UNC13C: variants seen among roughly 807,000 people sequenced by gnomAD.
The protein encoded by UNC13C is unc-13 homolog C, also known as protein unc-13 homolog C.
Under a neutral mutation model 245.4 loss-of-function variants are expected in UNC13C, and 174 were observed. That is an observed-to-expected ratio of 0.71 (90% CI 0.63 to 0.80). The LOEUF is 0.80. Ranked by LOEUF, UNC13C falls within the 30% of genes least tolerant of loss-of-function variation. The probability of loss-of-function intolerance (pLI) is 0.00; values close to 1 mark genes in which losing one functional copy is unlikely to be tolerated. For missense variants in UNC13C, 2,829 were observed against 2,602.9 expected (o/e 1.09, Z -1.89); for synonymous variants, 992 against 895.1 (o/e 1.11, Z -1.93).
At chr15:54,080,646 T>C (rs988257409) in intron 2 of UNC13C, among the ~76,000 whole-genome samples, 5 of 152,074 alleles carry the variant, frequency 3.3e-5, no homozygotes, top group African/African-American at 1.2e-4. Context: ...TTTTGTATTT[T>C]TGTGGTGTCG....
chr15:54,130,227 T>A (rs1311955637), intron 2 of UNC13C, among the ~76,000 whole-genome samples: 1 of 151,832 alleles, frequency 6.6e-6, no homozygotes, highest in Non-Finnish European at 1.5e-5. Context: ...CTTATTTGAT[T>A]GGTCTTTTTG....
At chr15:54,110,768 G>T (rs544258227) in intron 2 of UNC13C, among the ~76,000 whole-genome samples, 110 of 152,144 alleles carry the variant, frequency 7.2e-4, no homozygotes, top group African/African-American at 2.5e-3. Flanking sequence ...CCTTTCTAGT[G>T]ACTTCCTTGA....
At chr15:54,441,927 T>A (rs1188897445) in intron 19 of UNC13C, among the ~76,000 whole-genome samples, 1 of 151,780 alleles carries the variant, frequency 6.6e-6, no homozygotes, top group African/African-American at 2.4e-5. Flanking sequence ...TTCTTAGGTA[T>A]TTTTTTGTAG....
rs547092787 is a variant in UNC13C at position 54,247,862 on chromosome 15, T to A, written c.3229-2363T>A. On this transcript the variant is annotated intron_variant, in intron 7 of 32. Coordinates refer to ENST00000260323, the MANE Select transcript of UNC13C (RefSeq NM_001080534.3). ...AACCAAACAAAACATTTTAATGAAATCTGCTCAGCTGTTTATTCAGAGCTT... is the reference window on the plus strand; with the variant it reads ...AACCAAACAAAACATTTTAATGAAAACTGCTCAGCTGTTTATTCAGAGCTT... 4.8e-4 allele frequency among the ~76,000 whole-genome samples: 73 copies of A among 152,256 alleles called. 1 individual carries two copies. Among genetic ancestry groups the A allele is most frequent in the Admixed American group, 3.7e-3 (57 of 15,286 alleles).
chr15:54,022,338 G>T (rs574838054), intron 2 of UNC13C, among the ~76,000 whole-genome samples: 4 of 151,930 alleles, frequency 2.6e-5, no homozygotes, highest in South Asian at 2.1e-4. Flanking sequence ...TTAAGCAACA[G>T]GTTCTCTGTC....
At chr15:54,105,504 T>A (rs1009668805) in intron 2 of UNC13C, among the ~76,000 whole-genome samples, 4 of 152,202 alleles carry the variant, frequency 2.6e-5, no homozygotes, top group African/African-American at 9.7e-5. Flanking sequence ...ATCCTTTGTG[T>A]AAAGTCACAA....
At chr15:54,281,947 T>C (rs2037007963) in intron 10 of UNC13C, among the ~76,000 whole-genome samples, 1 of 152,220 alleles carries the variant, frequency 6.6e-6, no homozygotes, top group Non-Finnish European at 1.5e-5. Context: ...GATTTGTTCA[T>C]GTAGCCTAAT....
chr15:54,046,443 C>G (rs1211238758), intron 2 of UNC13C, among the ~76,000 whole-genome samples: 1 of 152,080 alleles, frequency 6.6e-6, no homozygotes, highest in Non-Finnish European at 1.5e-5. Flanking sequence ...TGACATATTT[C>G]AACGTAATTT....
chr15:54,091,856 G>A lies in UNC13C; in HGVS notation c.2984-51162G>A, dbSNP rs189148701. On this transcript the variant is annotated intron_variant, in intron 2 of 32. Coordinates refer to ENST00000260323, the MANE Select transcript of UNC13C (RefSeq NM_001080534.3). ...TGATTCCTGCTTCCAGCATTTTCTC[G>A]TTGAGATTTATTCCTTAAGTCTTAG... 7.0e-3 allele frequency among the ~76,000 whole-genome samples: 1,058 copies of A among 151,784 alleles called. 8 individuals are homozygous for A. The highest frequency in any genetic ancestry group is 0.012 in the Admixed American group (185 of 15,256).
chr15:54,135,711 T>C (rs527420073), intron 2 of UNC13C, among the ~76,000 whole-genome samples: 1 of 152,338 alleles, frequency 6.6e-6, no homozygotes, highest in East Asian at 1.9e-4. Flanking sequence ...AACCTTGTAA[T>C]ATAGCTTGAA....
At chr15:54,269,225 T>C (rs1056567148) in intron 10 of UNC13C, among the ~76,000 whole-genome samples, 2 of 152,052 alleles carry the variant, frequency 1.3e-5, no homozygotes, top group East Asian at 3.9e-4. Context: ...TTTCTCTCTC[T>C]CAGGGATCAC....
intron 2 of UNC13C, among the ~76,000 whole-genome samples, chr15:54,118,331 T>A (rs2030421907): frequency 6.6e-6 from 1 of 152,102 alleles, no homozygotes; most frequent in Non-Finnish European, 1.5e-5. Context: ...TTTTTTTTCA[T>A]CAGTGTTTTT....
At chr15:54,448,118 A>T (rs1291224160) in intron 19 of UNC13C, among the ~76,000 whole-genome samples, 1 of 152,140 alleles carries the variant, frequency 6.6e-6, no homozygotes. Flanking sequence ...TTCTAGTTTG[A>T]TTACACTATG....
At chr15:54,569,504 T>C (rs1274611176) in intron 30 of UNC13C, among the ~76,000 whole-genome samples, 2 of 152,102 alleles carry the variant, frequency 1.3e-5, no homozygotes, top group Non-Finnish European at 2.9e-5. Flanking sequence ...ATATTTTCCA[T>C]CCGCAGTTGG....
chr15:54,128,417 T>A (rs2031195213), intron 2 of UNC13C, among the ~76,000 whole-genome samples: 3 of 152,206 alleles, frequency 2.0e-5, no homozygotes, highest in African/African-American at 7.2e-5. Context: ...TTTAGAATTG[T>A]TTTAAAGTGT....
intron 1 of UNC13C, among the ~76,000 whole-genome samples, chr15:53,987,886 A>G (rs1329743402): frequency 2.0e-5 from 3 of 152,044 alleles, no homozygotes; most frequent in Non-Finnish European, 2.9e-5. Flanking sequence ...TAAACTATCT[A>G]TAAAACATTT....
chr15:54,584,786 G>A (rs145681601), intron 30 of UNC13C, among the ~76,000 whole-genome samples: 39 of 152,346 alleles, frequency 2.6e-4, no homozygotes, highest in Middle Eastern at 6.8e-3. Flanking sequence ...TAAGGAAAAT[G>A]AAACATTTTC....
intron 1 of UNC13C, among the ~76,000 whole-genome samples, chr15:54,005,192 C>G (rs1479087051): frequency 6.6e-6 from 1 of 152,058 alleles, no homozygotes; most frequent in Non-Finnish European, 1.5e-5. Flanking sequence ...ACTTGCATTT[C>G]AACAAAGACC....
intron 26 of UNC13C, among the ~76,000 whole-genome samples, chr15:54,535,706 T>G (rs912873384): frequency 6.6e-6 from 1 of 152,122 alleles, no homozygotes; most frequent in South Asian, 2.1e-4. Flanking sequence ...CTCTCAAAAC[T>G]ATACAATTAC....
Sources: gnomAD v4.1 joint callset for allele counts (sites outside exome capture counted in the v4.1 genomes callset) on GRCh38, gnomAD v4.1.1 for gene constraint, MANE v1.5 for transcripts, NCBI Gene and HGNC (gene_info 2026-07-23, HGNC 2026-07-21) for gene names.